ANGPT1: variants seen among roughly 807,000 people sequenced by gnomAD.
ANGPT1 encodes angiopoietin-1.
In ANGPT1, 17 loss-of-function variants were observed where a neutral mutation model predicts 62.2. The observed-to-expected ratio is 0.27, with a 90% CI of 0.19 to 0.41. The LOEUF (loss-of-function observed/expected upper bound fraction) is 0.41. ANGPT1 is among the 10% of genes least tolerant of loss of function. The pLI is 1.00. For synonymous variants in ANGPT1, 199 were observed against 198.9 expected (o/e 1.00, Z 0.00); for missense variants, 478 against 594.9 (o/e 0.80, Z 2.04).
At position 107,330,592 on chromosome 8, in the gene ANGPT1, G is replaced by A. The variant is rs1014577623; in HGVS notation, c.575+5558C>T. Among the ~76,000 whole-genome samples the A allele has an allele frequency of 3.9e-5, 6 of 152,274 alleles. No individual in the cohort carries two copies. In the East Asian group the frequency reaches 9.7e-4, roughly 25 times the overall value. ...AGTCTGACTTGCATTTTAGAAAGAA[G>A]ACTTTGGCACAGCTTCTGGATAAGG... On this transcript the variant is annotated intron_variant, in intron 3 of 8. Transcript: ENST00000517746.
chr8:107,275,225 C>T (rs1813836273), intron 7 of ANGPT1, among the ~76,000 whole-genome samples: 1 of 151,826 alleles, frequency 6.6e-6, no homozygotes, highest in Non-Finnish European at 1.5e-5. Context: ...GCAATATTGC[C>T]CCCAGAGGCC....
chr8:107,331,616 C>G (rs1563572861), intron 3 of ANGPT1, among the ~76,000 whole-genome samples: 1 of 152,040 alleles, frequency 6.6e-6, no homozygotes, highest in African/African-American at 2.4e-5. Flanking sequence ...TTTCTGTGAG[C>G]CTCAGGGCTT....
chr8:107,435,911 A>G (rs1416738575), intron 1 of ANGPT1, among the ~76,000 whole-genome samples: 2 of 152,066 alleles, frequency 1.3e-5, no homozygotes, highest in Non-Finnish European at 2.9e-5. Context: ...TGATTGATTG[A>G]TTGGTTGATT....
intron 1 of ANGPT1, among the ~76,000 whole-genome samples, chr8:107,385,824 T>C (rs1033078024): frequency 5.9e-5 from 9 of 152,066 alleles, no homozygotes; most frequent in African/African-American, 1.4e-4. Context: ...AGCTTGTTGA[T>C]GGTTTTTAGC....
At chr8:107,464,845 T>C (rs182128844) in intron 1 of ANGPT1, among the ~76,000 whole-genome samples, 3 of 152,106 alleles carry the variant, frequency 2.0e-5, no homozygotes, top group Admixed American at 2.0e-4. Context: ...CACAGTGTGG[T>C]AAGTGTGTTG....
chr8:107,359,825 A>C (rs1261718524), intron 1 of ANGPT1, among the ~76,000 whole-genome samples: 1 of 152,334 alleles, frequency 6.6e-6, no homozygotes, highest in East Asian at 1.9e-4. Flanking sequence ...ACGGGAATAC[A>C]GGTGAATTTT....
chr8:107,440,030 C>T (rs941347514), intron 1 of ANGPT1, among the ~76,000 whole-genome samples: 6 of 152,140 alleles, frequency 3.9e-5, no homozygotes, highest in Admixed American at 2.0e-4. Flanking sequence ...AAGGAGGGAT[C>T]ATAATTCCCT....
In ANGPT1 at chr8:107,288,387, C is replaced by A. The variant is rs181326938; in HGVS notation, c.1039-3539G>T. On this transcript the variant is annotated intron_variant, in intron 6 of 8. Coordinates refer to ENST00000517746, the MANE Select transcript of ANGPT1 (RefSeq NM_001146.5). ...TCAAGCCCTCTCTTTCCATATCTCA[C>A]GAGTTTTAGGAGCTACACAAGAGGT... Among the ~76,000 whole-genome samples, 15 of 152,182 alleles carry A rather than the reference C, an allele frequency of 9.9e-5. No homozygotes were observed. The South Asian group carries it at 3.1e-3, about 32-fold the overall frequency.
rs577907579 is a variant in ANGPT1 at position 107,440,659 on chromosome 8, A to G, written c.297+56603T>C. Reference sequence around the variant, plus strand: ...TTGACTTAAAGCAATGTATAATACCATAATTGGAAAACCAAAGGTCTTCTA... The same window carrying G: ...TTGACTTAAAGCAATGTATAATACCGTAATTGGAAAACCAAAGGTCTTCTA... On this transcript the variant is annotated intron_variant, in intron 1 of 8. Coordinates refer to ENST00000517746, the MANE Select transcript of ANGPT1 (RefSeq NM_001146.5). 8.5e-5 allele frequency among the ~76,000 whole-genome samples: 13 copies of G among 152,340 alleles called. No homozygotes were observed. The East Asian group carries it at 2.1e-3, about 25-fold the overall frequency.
intron 1 of ANGPT1, among the ~76,000 whole-genome samples, chr8:107,365,233 A>G (rs1816247832): frequency 1.3e-5 from 2 of 152,328 alleles, no homozygotes; most frequent in South Asian, 4.1e-4. Flanking sequence ...CAAATATGAC[A>G]TTAGAATAAA....
intron 1 of ANGPT1, among the ~76,000 whole-genome samples, chr8:107,351,877 T>A (rs1815940820): frequency 6.6e-6 from 1 of 152,182 alleles, no homozygotes. Flanking sequence ...ACACAAAGCC[T>A]CTACAAAGGC....
In ANGPT1 at chr8:107,427,717, G is replaced by T. The variant is rs139069736; in HGVS notation, c.297+69545C>A. 4.1e-3 allele frequency among the ~76,000 whole-genome samples: 627 copies of T among 152,296 alleles called. 4 individuals are homozygous for T. Among genetic ancestry groups the T allele is most frequent in the Non-Finnish European group, 6.8e-3 (460 of 68,022 alleles). On this transcript the variant is annotated intron_variant, in intron 1 of 8. Transcript: ENST00000517746. ...TGAAGCTCTGTATGAATGGTGGATT[G>T]TTTTAGACTGTCTCTCAGTATAGTC...
At chr8:107,328,605 G>A (rs1160479532) in intron 3 of ANGPT1, among the ~76,000 whole-genome samples, 12 of 151,750 alleles carry the variant, frequency 7.9e-5, no homozygotes, top group Admixed American at 6.6e-5. Context: ...GCTCATATGA[G>A]TTAATTTAAA....
chr8:107,490,403 T>A (rs1812926936), intron 1 of ANGPT1, among the ~76,000 whole-genome samples: 1 of 152,182 alleles, frequency 6.6e-6, no homozygotes, highest in South Asian at 2.1e-4. Context: ...GCTTTAGGAA[T>A]ATTTCCCTGT....
chr8:107,314,656 T>C (rs1814971541), intron 4 of ANGPT1, among the ~76,000 whole-genome samples: 1 of 152,212 alleles, frequency 6.6e-6, no homozygotes, highest in South Asian at 2.1e-4. Flanking sequence ...CATATAATTT[T>C]CTGTCAAGAT....
chr8:107,473,723 C>T (rs534057066), intron 1 of ANGPT1, among the ~76,000 whole-genome samples: 31 of 151,960 alleles, frequency 2.0e-4, no homozygotes, highest in African/African-American at 6.8e-4. Context: ...ATATCCTGCC[C>T]GATAGTATTG....
chr8:107,336,117 A>G, intron 3 of ANGPT1, 33 bp downstream of exon 3: 3 of 1,576,322 alleles, frequency 1.9e-6, no homozygotes, highest in African/African-American at 2.7e-5. Flanking sequence ...ATAAGTACAC[A>G]CAGAAACATT....
intron 1 of ANGPT1, among the ~76,000 whole-genome samples, chr8:107,466,050 C>G (rs1351122407): frequency 6.6e-6 from 1 of 152,136 alleles, no homozygotes; most frequent in Non-Finnish European, 1.5e-5. Context: ...GAGCAGAATG[C>G]CCATCAGGGG....
chr8:107,351,500 AT>A, intron 1 of ANGPT1, among the ~76,000 whole-genome samples: 1 of 152,038 alleles, frequency 6.6e-6, no homozygotes, highest in Non-Finnish European at 1.5e-5. Flanking sequence ...TGGCTGGATG[AT>A]TAGTTGACTG....
Sources: gnomAD v4.1 joint callset for allele counts (sites outside exome capture counted in the v4.1 genomes callset) on GRCh38, gnomAD v4.1.1 for gene constraint, MANE v1.5 for transcripts, NCBI Gene and HGNC (gene_info 2026-07-23, HGNC 2026-07-21) for gene names.